The following FBLN7 variants were observed in gnomAD, a reference collection of about 807,000 sequenced individuals.
FBLN7 encodes the protein fibulin 7.
A neutral mutation model predicts 44.0 loss-of-function variants in FBLN7; 31 were observed. The observed-to-expected ratio is 0.70, with a 90% CI of 0.53 to 0.95. The LOEUF (loss-of-function observed/expected upper bound fraction) is 0.95, where lower values mean the gene tolerates loss of function less well. FBLN7 is among the 40% of genes least tolerant of loss of function. The probability of loss-of-function intolerance (pLI) is 0.00; values close to 1 mark genes in which losing one functional copy is unlikely to be tolerated. For missense variants in FBLN7, 573 were observed against 618.5 expected (o/e 0.93, Z 0.78); for synonymous variants, 262 against 253.4 (o/e 1.03, Z -0.32).
At chr2:112,145,525 C>T (rs1180297657) in intron 1 of FBLN7, among the ~76,000 whole-genome samples, 1 of 152,152 alleles carries the variant, frequency 6.6e-6, no homozygotes, top group African/African-American at 2.4e-5. Flanking sequence ...TGTAGCTTAA[C>T]AATGACTTTT....
chr2:112,189,872 T>A (rs1683427095), downstream of FBLN7: 1 of 152,222 alleles, frequency 6.6e-6, no homozygotes, highest in South Asian at 2.1e-4. Flanking sequence ...CATTCACATC[T>A]AAAACATTAA....
chr2:112,223,869 C>T, the FBLN7 span, among the ~76,000 whole-genome samples: 26 of 152,300 alleles, frequency 1.7e-4, 1 homozygote, highest in African/African-American at 5.8e-4. Context: ...AGGCCAGGCA[C>T]GGCAGCTCAC....
chr2:112,225,939 G>A, the FBLN7 span, among the ~76,000 whole-genome samples: 46 of 151,896 alleles, frequency 3.0e-4, no homozygotes, highest in South Asian at 4.2e-4. Flanking sequence ...AAAATTAGCC[G>A]GGTGTGGTGG....
the FBLN7 span, among the ~76,000 whole-genome samples, chr2:112,229,194 GAGC>G: frequency 8.5e-4 from 130 of 152,286 alleles, no homozygotes; most frequent in African/African-American, 2.9e-3. Flanking sequence ...GTGGGGGAAA[GAGC>G]AGTCTTTTTA....
At chr2:112,199,296 CCATTTCTCT>C in the FBLN7 span, among the ~76,000 whole-genome samples, 1 of 152,132 alleles carries the variant, frequency 6.6e-6, no homozygotes, top group African/African-American at 2.4e-5. Context: ...TTCCTGGTGT[CCATTTCTCT>C]CATTTCTCTC....
At chr2:112,184,363 G>A (rs61467624) in intron 6 of FBLN7, among the ~76,000 whole-genome samples, 21,946 of 152,168 alleles carry the variant, frequency 0.14, 2,505 homozygotes, top group African/African-American at 0.32. Context: ...TTGGGGCCCC[G>A]CTGCAGGGCT....
At chr2:112,213,410 A>G in the FBLN7 span, 1 of 152,084 alleles carries the variant, frequency 6.6e-6, no homozygotes, top group East Asian at 1.9e-4. Flanking sequence ...GAATTCCTAA[A>G]GTTCTACAAT....
rs1681630587 is a variant in FBLN7, at chr2:112,159,782, G to A, written c.182G>A (p.Arg61Gln). ...FAEGIRHMKS[R>Q]LAALQNSVGR... Reference sequence around the variant, plus strand: ...GAGGGCATCCGCCACATGAAGAGCCGGCTGGCCGCGCTGCAGAACTCTGTG... The same window carrying A: ...GAGGGCATCCGCCACATGAAGAGCCAGCTGGCCGCGCTGCAGAACTCTGTG... Residue 61 changes from arginine to glutamine, a missense_variant, in exon 2 of 8, where the codon CGG (arginine) becomes CAG (glutamine). Coordinates refer to ENST00000331203, the MANE Select transcript of FBLN7 (RefSeq NM_153214.3). 4 of 1,599,416 alleles carry A rather than the reference G, an allele frequency of 2.5e-6. No homozygotes were observed. The highest frequency in any genetic ancestry group is 2.3e-5 in the East Asian group (1 of 43,738).
At chr2:112,184,456 G>A (rs1248355570) in intron 6 of FBLN7, among the ~76,000 whole-genome samples, 7 of 152,034 alleles carry the variant, frequency 4.6e-5, no homozygotes, top group Non-Finnish European at 1.0e-4. Context: ...CAGTGCTCAC[G>A]AAGGCCCACC....
At chr2:112,194,157 G>A in the FBLN7 span, among the ~76,000 whole-genome samples, 1 of 152,160 alleles carries the variant, frequency 6.6e-6, no homozygotes, top group African/African-American at 2.4e-5. Context: ...ATGACCTAAA[G>A]ACTAGGACCG....
chr2:112,244,438 AAT>A, the FBLN7 span, among the ~76,000 whole-genome samples: 1 of 152,264 alleles, frequency 6.6e-6, no homozygotes, highest in South Asian at 2.1e-4. Context: ...AATTATTCAC[AAT>A]AGTTTCATTA....
chr2:112,181,844 T>C lies in FBLN7; in HGVS notation c.638T>C (p.Leu213Pro). The stretch of plus-strand genomic sequence containing the variant: ...TGCAGCTGCGAGGCCGGATTCCACC[T>C]GAGCGGCGCCGCCGGCGACAGCGTC... ...QHCSCEAGFHLSGAAGDSVCQ... is the reference protein window; with the variant it reads ...QHCSCEAGFHPSGAAGDSVCQ... The change falls in exon 5 of 8, where the codon CTG (leucine) becomes CCG (proline). Residue 213 changes from leucine (L) to proline (P), a missense_variant. Coordinates refer to ENST00000331203, the MANE Select transcript of FBLN7 (RefSeq NM_153214.3). The C allele has an allele frequency of 6.6e-7, 1 of 1,526,634 alleles. No homozygotes were observed. The highest frequency in any genetic ancestry group is 8.8e-7 in the Non-Finnish European group (1 of 1,142,592). The allele number at this position is 1,526,634 out of a possible 1,614,324, so 94.6% of individuals were successfully genotyped here.
chr2:112,199,208 C>T, the FBLN7 span, among the ~76,000 whole-genome samples: 1 of 152,190 alleles, frequency 6.6e-6, no homozygotes, highest in Non-Finnish European at 1.5e-5. Context: ...CCCAGGGTGT[C>T]TTTTCTCCTT....
the FBLN7 span, among the ~76,000 whole-genome samples, chr2:112,216,698 T>C: frequency 9.7e-6 from 1 of 103,418 alleles, no homozygotes; most frequent in African/African-American, 4.0e-5. Flanking sequence ...AAAAAAAAAA[T>C]ACAAATAATG....
rs1682843308 is a variant in FBLN7 at position 112,178,587 on chromosome 2, G to C, written c.532+2748G>C. Among the ~76,000 whole-genome samples the C allele has an allele frequency of 2.6e-5, 4 of 152,116 alleles. No individual in the cohort carries two copies. The South Asian group carries it at 6.2e-4, about 24-fold the overall frequency. ...CAGGCCAATATCCTTGATGAACATT[G>C]ATACAAAAATCCTCAACAAAATACT... On this transcript the variant is annotated intron_variant, in intron 4 of 7. Transcript: ENST00000331203.
chr2:112,164,340 C>G (rs1167230558), intron 2 of FBLN7, among the ~76,000 whole-genome samples: 2 of 152,202 alleles, frequency 1.3e-5, no homozygotes, highest in Non-Finnish European at 2.9e-5. Context: ...TACACAGGAA[C>G]ATAGGCCAGA....
chr2:112,221,221 G>A, the FBLN7 span, among the ~76,000 whole-genome samples: 1 of 152,232 alleles, frequency 6.6e-6, no homozygotes, highest in South Asian at 2.1e-4. Flanking sequence ...GTTGAAGGTG[G>A]GGAGGTGACT....
the FBLN7 span, chr2:112,234,226 G>T: frequency 1.3e-6 from 2 of 1,599,826 alleles, no homozygotes; most frequent in Admixed American, 1.8e-5. Flanking sequence ...CTTCTCTTTA[G>T]GTTTACCATC....
the FBLN7 span, among the ~76,000 whole-genome samples, chr2:112,225,349 A>G: frequency 2.6e-5 from 4 of 152,242 alleles, no homozygotes; most frequent in Non-Finnish European, 5.9e-5. Flanking sequence ...GTGGTAGCAC[A>G]CACCTGCAGT....
Sources: gnomAD v4.1 joint callset for allele counts (sites outside exome capture counted in the v4.1 genomes callset) on GRCh38, gnomAD v4.1.1 for gene constraint, MANE v1.5 for transcripts, NCBI Gene and HGNC (gene_info 2026-07-23, HGNC 2026-07-21) for gene names.